Variants in NRXN1 observed in about 807,000 individuals in gnomAD.
NRXN1 encodes the protein neurexin 1.
In NRXN1, 39 loss-of-function variants were observed where a neutral mutation model predicts 150.9. The ratio of observed to expected loss-of-function variants is 0.26; its 90% confidence interval spans 0.20 to 0.34. NRXN1 has a LOEUF of 0.34. Among genes scored for constraint, NRXN1 ranks in the 10% least tolerant of loss-of-function variants. The probability of loss-of-function intolerance (pLI) is 1.00; values close to 1 mark genes in which losing one functional copy is unlikely to be tolerated. For missense variants in NRXN1, 1,815 were observed against 1,949.9 expected, an observed-to-expected ratio of 0.93 and a Z score of 1.30; for synonymous variants, 924 against 757.0, an observed-to-expected ratio of 1.22 and a Z score of -3.62.
chr2:50,199,360 T>A (rs943436106), intron 18 of NRXN1: 2 of 152,066 alleles, frequency 1.3e-5, no homozygotes, highest in African/African-American at 4.8e-5. Context: ...TCTGTTTAGT[T>A]AACTCCCAGA....
chr2:50,677,104 G>A (rs114264277), intron 5 of NRXN1, among the ~76,000 whole-genome samples: 1,603 of 152,226 alleles, frequency 0.011, 10 homozygotes, highest in Middle Eastern at 0.037. Context: ...ATGACAGCTT[G>A]TGCATATCCT....
chr2:50,216,810 G>A (rs1486997046), intron 18 of NRXN1, among the ~76,000 whole-genome samples: 1 of 151,962 alleles, frequency 6.6e-6, no homozygotes, highest in Non-Finnish European at 1.5e-5. Flanking sequence ...TTCAGATTTG[G>A]GTGTGATTCC....
chr2:50,480,235 G>C (rs2090359700), intron 15 of NRXN1, among the ~76,000 whole-genome samples: 4 of 152,216 alleles, frequency 2.6e-5, no homozygotes, highest in Admixed American at 2.6e-4. Context: ...AAGAGATACA[G>C]AGATGAAGAT....
At chr2:50,410,059 C>G (rs987206125) in intron 17 of NRXN1, among the ~76,000 whole-genome samples, 2 of 152,116 alleles carry the variant, frequency 1.3e-5, no homozygotes, top group African/African-American at 4.8e-5. Flanking sequence ...GTGTCCTTCC[C>G]ATCAGTGCCT....
chr2:50,955,208 A>G (rs1692091542), intron 2 of NRXN1, among the ~76,000 whole-genome samples: 1 of 152,228 alleles, frequency 6.6e-6, no homozygotes, highest in African/African-American at 2.4e-5. Context: ...GAGGCTGCAA[A>G]TAATTATGTA....
intron 8 of NRXN1, among the ~76,000 whole-genome samples, chr2:50,572,415 A>G (rs745802568): frequency 4.3e-4 from 66 of 152,238 alleles, no homozygotes; most frequent in Non-Finnish European, 6.9e-4. Context: ...TTTTGCAAGC[A>G]TACTTCTTAG....
chr2:50,619,809 T>A (rs1679667713), intron 8 of NRXN1: 2 of 444,390 alleles, frequency 4.5e-6, no homozygotes, highest in Non-Finnish European at 8.1e-6. Flanking sequence ...GTAAATTACT[T>A]ACAGACTAAT....
chr2:50,168,316 T>C (rs2059810989), intron 18 of NRXN1, among the ~76,000 whole-genome samples: 1 of 152,152 alleles, frequency 6.6e-6, no homozygotes, highest in South Asian at 2.1e-4. Flanking sequence ...TTACCTACAT[T>C]TTACACTAAC....
At chr2:50,095,542 T>TTCAGTGAA (rs1266301143) in intron 18 of NRXN1, among the ~76,000 whole-genome samples, 1 of 152,098 alleles carries the variant, frequency 6.6e-6, no homozygotes, top group Non-Finnish European at 1.5e-5. Flanking sequence ...AAGGTCTAGA[T>TTCAGTGAA]TCAGTGAATA....
intron 5 of NRXN1, among the ~76,000 whole-genome samples, chr2:50,741,240 G>T (rs1574309847): frequency 6.6e-6 from 1 of 152,070 alleles, no homozygotes; most frequent in Non-Finnish European, 1.5e-5. Context: ...AATAATAAAT[G>T]ATCCTTTTAT....
chr2:50,949,838 G>A (rs1345054946), intron 2 of NRXN1, among the ~76,000 whole-genome samples: 1 of 152,100 alleles, frequency 6.6e-6, no homozygotes, highest in Non-Finnish European at 1.5e-5. Context: ...CCACAGATGA[G>A]TGGTTCCAGA....
chr2:50,196,867 C>T (rs774087603), intron 18 of NRXN1, among the ~76,000 whole-genome samples: 30 of 151,856 alleles, frequency 2.0e-4, no homozygotes, highest in Non-Finnish European at 3.2e-4. Context: ...TGAGAACTTA[C>T]GAACACAAAG....
chr2:50,762,575 A>T (rs1701925190), intron 5 of NRXN1, among the ~76,000 whole-genome samples: 1 of 151,822 alleles, frequency 6.6e-6, no homozygotes, highest in African/African-American at 2.4e-5. Context: ...TCCACTTATG[A>T]GTGGGAACAT....
At position 50,531,339 on chromosome 2, in the gene NRXN1, C is replaced by T. The variant is rs1255058085; in HGVS notation, c.2235G>A (p.Arg745=). The T allele has an allele frequency of 3.1e-6, 5 of 1,613,416 alleles. No individual in the cohort carries two copies. Among genetic ancestry groups the T allele is most frequent in the East Asian group, 2.2e-5 (1 of 44,836 alleles). The stretch of plus-strand genomic sequence containing the variant: ...TGCCATATGCACGCTGGGATCGGAA[C>T]CGTAAGGAAACATCCTCAGCCTCCG... ...MHTEAEDVSL[R]FRSQRAYGIL... is the part of the protein sequence containing the mutation. The change falls in exon 11 of 23, where the codon CGG becomes CGA. Residue 745 remains arginine, a synonymous_variant. Transcript: ENST00000401669.
At chr2:50,973,161 A>C (rs545351920) in intron 2 of NRXN1, among the ~76,000 whole-genome samples, 51 of 152,286 alleles carry the variant, frequency 3.3e-4, no homozygotes, top group Non-Finnish European at 6.3e-4. Flanking sequence ...CAATGACTTA[A>C]TCCAAATGCA....
intron 17 of NRXN1, among the ~76,000 whole-genome samples, chr2:50,261,070 G>A (rs1157797498): frequency 6.6e-6 from 1 of 151,710 alleles, no homozygotes; most frequent in East Asian, 1.9e-4. Flanking sequence ...CCCCCAGATT[G>A]ATTTCAGATC....
intron 17 of NRXN1, among the ~76,000 whole-genome samples, chr2:50,265,991 TATTA>T (rs1344193848): frequency 4.4e-5 from 4 of 90,804 alleles, no homozygotes; most frequent in Admixed American, 1.1e-4. Context: ...TTATTATTAT[TATTA>T]TTATTTATTT....
chr2:50,410,874 G>A (rs1049376865), intron 17 of NRXN1, among the ~76,000 whole-genome samples: 3 of 152,164 alleles, frequency 2.0e-5, no homozygotes, highest in African/African-American at 4.8e-5. Flanking sequence ...CAAAAGAGAA[G>A]GAGGCAAGTT....
At chr2:50,285,108 A>C (rs1454784750) in intron 17 of NRXN1, among the ~76,000 whole-genome samples, 2 of 152,192 alleles carry the variant, frequency 1.3e-5, no homozygotes, top group Non-Finnish European at 2.9e-5. Flanking sequence ...GGGTTAAATC[A>C]AGGAATAAAT....
Sources: gnomAD v4.1 joint callset for allele counts (sites outside exome capture counted in the v4.1 genomes callset) on GRCh38, gnomAD v4.1.1 for gene constraint, MANE v1.5 for transcripts, NCBI Gene and HGNC (gene_info 2026-07-23, HGNC 2026-07-21) for gene names.